The following PTPN22 variants were observed in gnomAD, a reference collection of about 807,000 sequenced individuals.
The protein encoded by PTPN22 is tyrosine-protein phosphatase non-receptor type 22.
A neutral mutation model predicts 103.3 loss-of-function variants in PTPN22; 85 were observed. The observed-to-expected ratio is 0.82, with a 90% CI of 0.69 to 0.99. PTPN22 has a LOEUF of 0.99. PTPN22 is among the 50% of genes least tolerant of loss of function. PTPN22 has a pLI of 0.00. For missense variants in PTPN22, 865 were observed against 936.9 expected (o/e 0.92, Z 1.00); for synonymous variants, 323 against 310.2 (o/e 1.04, Z -0.43).
intron 15 of PTPN22, among the ~76,000 whole-genome samples, 166 bp downstream of exon 15, chr1:113,834,143 G>C (rs1216338740): frequency 6.6e-6 from 1 of 152,102 alleles, no homozygotes; most frequent in East Asian, 1.9e-4. Flanking sequence ...CTTCTTACAG[G>C]CAAGAATTGT....
At chr1:113,829,967 A>G (rs1662415347) in exon 17 of PTPN22, 7 of 1,604,034 alleles carry the variant, frequency 4.4e-6, no homozygotes, top group Non-Finnish European at 6.0e-6. Context: ...TCGGCAAGAA[A>G]GAAGGACTCT....
At chr1:113,839,757 C>T (rs1663363279) in intron 11 of PTPN22, among the ~76,000 whole-genome samples, 1 of 152,106 alleles carries the variant, frequency 6.6e-6, no homozygotes, top group African/African-American at 2.4e-5. Flanking sequence ...CCATAACTAA[C>T]ATCATATTCA....
intron 10 of PTPN22, among the ~76,000 whole-genome samples, chr1:113,849,945 C>G (rs1187020126): frequency 6.6e-6 from 1 of 151,860 alleles, no homozygotes; most frequent in Non-Finnish European, 1.5e-5. Context: ...CCTGTAATCC[C>G]AGCACTTTGG....
chr1:113,856,769 C>A, intron 5 of PTPN22, 150 bp from the exon 6 acceptor site: 1 of 904,678 alleles, frequency 1.1e-6, no homozygotes, highest in Non-Finnish European at 1.7e-6. Context: ...TTATTGGAAT[C>A]TCCAAAGATG....
chr1:113,848,133 C>G (rs1368379126), intron 11 of PTPN22, among the ~76,000 whole-genome samples: 1 of 152,078 alleles, frequency 6.6e-6, no homozygotes, highest in Middle Eastern at 3.2e-3. Flanking sequence ...ACTGCGACCT[C>G]CACCTCCCAG....
At chr1:113,819,621 G>C in exon 20 of PTPN22, 1 of 1,605,338 alleles carries the variant, frequency 6.2e-7, no homozygotes, top group Non-Finnish European at 8.5e-7. Context: ...AACAGATTCT[G>C]CAGGCTTGTT....
chr1:113,830,014 C>G (rs1369870071), exon 17 of PTPN22: 1 of 1,602,558 alleles, frequency 6.2e-7, no homozygotes. Flanking sequence ...GGGAGAAGAA[C>G]GATCTTGATG....
At chr1:113,856,420 C>A in exon 7 of PTPN22, 1 of 1,592,704 alleles carries the variant, frequency 6.3e-7, no homozygotes, top group South Asian at 1.1e-5. Flanking sequence ...ATTATATAAT[C>A]AGATTTCCTT....
intron 15 of PTPN22, among the ~76,000 whole-genome samples, chr1:113,833,553 T>G (rs1190820186): frequency 6.6e-6 from 1 of 152,194 alleles, no homozygotes; most frequent in East Asian, 1.9e-4. Context: ...GAATTATAAT[T>G]TAAAAGGCAG....
chr1:113,814,873 G>T (rs756676725), exon 21 of PTPN22: 13 of 1,477,276 alleles, frequency 8.8e-6, no homozygotes, highest in Middle Eastern at 1.8e-4. Flanking sequence ...AGGTGTACTT[G>T]CAGCCCATAT....
intron 1 of PTPN22, among the ~76,000 whole-genome samples, chr1:113,867,712 A>G (rs1432814729): frequency 6.6e-6 from 1 of 152,230 alleles, no homozygotes; most frequent in African/African-American, 2.4e-5. Context: ...ATGAATGTAT[A>G]AAAACCTTAG....
At chr1:113,838,759 C>T in intron 11 of PTPN22, 139 bp from the exon 12 acceptor site, 1 of 1,333,094 alleles carries the variant, frequency 7.5e-7, no homozygotes, top group Admixed American at 2.9e-5. Flanking sequence ...GATTAGCTTC[C>T]AAAATATTGA....
rs759463230 is a variant in PTPN22 at position 113,864,401 on chromosome 1, AAAAAG to A, written c.88-4946_88-4942del. ...CAAGACCCTGTCTCCAGAAAAAAAA[AAAAAG>A]AAAGAAAAGAAGAAAAGAAAAGAAA... On this transcript the variant is annotated intron_variant, in intron 1 of 20. Transcript: ENST00000359785. The A allele has an allele frequency of 2.6e-3, 585 of 220,824 alleles. 3 individuals are homozygous for A. Among genetic ancestry groups the A allele is most frequent in the South Asian group, 5.7e-3 (154 of 27,156 alleles). 13.7% of individuals were successfully genotyped at this position (220,824 alleles called of 1,614,324 possible).
chr1:113,838,695 G>GA, intron 11 of PTPN22, 75 bp from the exon 12 acceptor site: 1 of 1,519,152 alleles, frequency 6.6e-7, no homozygotes, highest in East Asian at 2.3e-5. Context: ...TTAGAAGGCT[G>GA]AAAAGTAATT....
chr1:113,835,533 T>TAATA (rs1662925152), intron 13 of PTPN22, among the ~76,000 whole-genome samples: 1 of 151,894 alleles, frequency 6.6e-6, no homozygotes, highest in African/African-American at 2.4e-5. Flanking sequence ...ATAATAATAA[T>TAATA]AATAAATAAA....
intron 1 of PTPN22, among the ~76,000 whole-genome samples, chr1:113,866,730 C>T (rs567741593): frequency 2.6e-5 from 4 of 151,856 alleles, no homozygotes; most frequent in African/African-American, 9.7e-5. Flanking sequence ...CTAGAAGATC[C>T]ACAAAAAAAG....
rs956705442 is a variant in PTPN22, at chr1:113,825,484, G to A, written c.2251-312C>T. Among the ~76,000 whole-genome samples, 3 of 152,108 alleles carry A rather than the reference G, an allele frequency of 2.0e-5. 1 individual carries two copies. In the South Asian group the frequency reaches 6.2e-4, roughly 32 times the overall value. On this transcript the variant is annotated intron_variant, in intron 18 of 20. Transcript: ENST00000359785. ...AGGCCAAGGCAGGAGGATTGTTTGA[G>A]CTCAGGAGTTCAGGACCATCTTAGG...
intron 15 of PTPN22, 134 bp downstream of exon 15, chr1:113,834,175 C>G: frequency 1.0e-6 from 1 of 980,274 alleles, no homozygotes; most frequent in Non-Finnish European, 1.5e-6. Flanking sequence ...CCTTTTTATC[C>G]CAACATCCTC....
chr1:113,871,008 G>T (rs1167807758), intron 1 of PTPN22, among the ~76,000 whole-genome samples: 3 of 152,130 alleles, frequency 2.0e-5, no homozygotes, highest in Non-Finnish European at 4.4e-5. Flanking sequence ...ACTCCAGCCT[G>T]GGTGACAGAG....
Sources: allele counts gnomAD v4.1 joint callset (sites outside exome capture counted in the v4.1 genomes callset), GRCh38; gene constraint gnomAD v4.1.1; transcripts MANE v1.5; gene names NCBI Gene and HGNC (gene_info 2026-07-23, HGNC 2026-07-21).